The following SND1 variants were observed in gnomAD, a reference collection of about 807,000 sequenced individuals.
The protein encoded by SND1 is staphylococcal nuclease domain-containing protein 1.
Under a neutral mutation model 121.7 loss-of-function variants are expected in SND1, and 38 were observed. The observed-to-expected ratio is 0.31, with a 90% CI of 0.24 to 0.41. The LOEUF (loss-of-function observed/expected upper bound fraction) is 0.41. Ranked by LOEUF, SND1 falls within the 10% of genes least tolerant of loss-of-function variation. SND1 has a pLI of 1.00. For synonymous variants in SND1, 401 were observed against 447.4 expected (o/e 0.90, Z 1.31); for missense variants, 868 against 1,184.6 (o/e 0.73, Z 3.92).
intron 13 of SND1, among the ~76,000 whole-genome samples, chr7:127,890,500 A>AACAGGTTATGCATTTCCAGAGT (rs1271655661): frequency 3.7e-4 from 57 of 152,240 alleles, no homozygotes; most frequent in African/African-American, 1.3e-3. Flanking sequence ...TAACTTGAAG[A>AACAGGTTATGCATTTCCAGAGT]ACAGGTTATG....
chr7:127,888,934 T>C (rs539973162), intron 13 of SND1, among the ~76,000 whole-genome samples: 9 of 152,244 alleles, frequency 5.9e-5, no homozygotes, highest in Admixed American at 6.5e-5. Flanking sequence ...GATTTTGTCA[T>C]TGAGATCACT....
At chr7:127,797,766 T>C (rs1057159488) in intron 10 of SND1, among the ~76,000 whole-genome samples, 23 of 147,356 alleles carry the variant, frequency 1.6e-4, no homozygotes, top group Admixed American at 1.2e-3. Flanking sequence ...TCACCTTTTT[T>C]CCCCCCTTGC....
rs533532059 is a variant in SND1 at position 128,085,463 on chromosome 7, C to G, written c.2235-248C>G. ...GTCATTAGTCTTGTTGCTTTATGCC[C>G]CAAGGACACATTAATCTGCTCCACA... On this transcript the variant is annotated intron_variant, in intron 19 of 23. Transcript: ENST00000354725. This position sits in a 1 kb window ranked among gnomAD's most constrained non-coding sequence, Gnocchi z 4.4. Among the ~76,000 whole-genome samples, 1 of 152,302 alleles carries G rather than the reference C, an allele frequency of 6.6e-6. No homozygotes were observed. The highest frequency in any genetic ancestry group is 6.5e-5 in the Admixed American group (1 of 15,300).
chr7:127,743,162 A>G (rs1796913912), intron 10 of SND1, among the ~76,000 whole-genome samples: 1 of 152,162 alleles, frequency 6.6e-6, no homozygotes, highest in African/African-American at 2.4e-5. Flanking sequence ...TTTTTGGTGG[A>G]AATTGATGGT....
chr7:127,869,558 T>A lies in SND1; in HGVS notation c.1344-18344T>A, dbSNP rs542628562. ...AGTTAAAATCCCATTGACTTTTTTT[T>A]AAAAATAATTGTAGATTCACTGAAG... On this transcript the variant is annotated intron_variant, in intron 12 of 23. Coordinates refer to ENST00000354725, the MANE Select transcript of SND1 (RefSeq NM_014390.4). Among the ~76,000 whole-genome samples the A allele has an allele frequency of 3.3e-4, 50 of 152,302 alleles. 1 individual carries two copies. Among genetic ancestry groups the A allele is most frequent in the African/African-American group, 6.7e-4 (28 of 41,572 alleles).
chr7:128,086,241 C>A (rs1216987636), intron 20 of SND1, among the ~76,000 whole-genome samples: 1 of 152,220 alleles, frequency 6.6e-6, no homozygotes. Context: ...AAAAATTTCT[C>A]CGGCTGGGCC....
chr7:127,845,644 T>C (rs1278999450), intron 12 of SND1, among the ~76,000 whole-genome samples: 2 of 152,246 alleles, frequency 1.3e-5, no homozygotes, highest in Admixed American at 1.3e-4. Flanking sequence ...GGAATCTTAG[T>C]ATTCTATCTA....
chr7:127,774,318 A>C (rs1482724580), intron 10 of SND1, among the ~76,000 whole-genome samples: 1 of 152,232 alleles, frequency 6.6e-6, no homozygotes, highest in African/African-American at 2.4e-5. Context: ...TAAAACTTTA[A>C]AATTGAAAGT....
Position 128,069,143 on chromosome 7 carries a change from C to T in SND1, c.1780-5359C>T, listed in dbSNP as rs1302273871. Among the ~76,000 whole-genome samples the T allele has an allele frequency of 2.0e-5, 3 of 152,208 alleles. No homozygotes were observed. The East Asian group carries it at 5.8e-4, about 29-fold the overall frequency. ...CATCCTATCAACCCCACTTGCCTTA[C>T]CTTCACTCGGTATTTCATGGGAGGA... On this transcript the variant is annotated intron_variant, in intron 16 of 23. Transcript: ENST00000354725.
chr7:127,868,971 A>G (rs1225876590), intron 12 of SND1, among the ~76,000 whole-genome samples: 1 of 152,122 alleles, frequency 6.6e-6, no homozygotes, highest in Non-Finnish European at 1.5e-5. Flanking sequence ...AGAGAGATCT[A>G]TTTTGTGCGG....
intron 16 of SND1, among the ~76,000 whole-genome samples, chr7:128,038,500 G>C (rs1030616571): frequency 6.6e-6 from 1 of 152,224 alleles, no homozygotes; most frequent in Non-Finnish European, 1.5e-5. Context: ...AGTAATGGTC[G>C]TAGCATCTAT....
At chr7:127,766,804 G>GT (rs1035643179) in intron 10 of SND1, among the ~76,000 whole-genome samples, 7 of 76,336 alleles carry the variant, frequency 9.2e-5, no homozygotes, top group Non-Finnish European at 2.1e-4. Context: ...AAAAAAAATA[G>GT]TTTTTTTCTT....
At chr7:128,020,242 A>G (rs1803315127) in intron 16 of SND1, among the ~76,000 whole-genome samples, 1 of 152,238 alleles carries the variant, frequency 6.6e-6, no homozygotes, top group South Asian at 2.1e-4. Flanking sequence ...CAGAGCATTA[A>G]GCACAGATAA....
rs536227372 is a variant in SND1, at chr7:128,065,858, C to G, written c.1780-8644C>G. On this transcript the variant is annotated intron_variant, in intron 16 of 23. Coordinates refer to ENST00000354725, the MANE Select transcript of SND1 (RefSeq NM_014390.4). The stretch of plus-strand genomic sequence containing the variant: ...GAGGAGCTGTGCCATTCAGGCATGC[C>G]TGCTCTGGCTTGGGAGACCTTTGGG... Among the ~76,000 whole-genome samples the G allele has an allele frequency of 7.9e-5, 12 of 152,330 alleles. No homozygotes were observed. In the South Asian group the frequency reaches 2.5e-3, roughly 32 times the overall value.
At chr7:127,717,638 T>C (rs1465915249) in intron 9 of SND1, among the ~76,000 whole-genome samples, 1 of 152,164 alleles carries the variant, frequency 6.6e-6, no homozygotes, top group Non-Finnish European at 1.5e-5. Context: ...CCAGATGTCA[T>C]GATTTCAGAG....
intron 10 of SND1, among the ~76,000 whole-genome samples, chr7:127,803,323 T>C (rs1450731691): frequency 6.6e-6 from 1 of 152,218 alleles, no homozygotes; most frequent in Non-Finnish European, 1.5e-5. Context: ...CTCTCCATGT[T>C]CTTTTTTCCA....
At position 127,947,154 on chromosome 7, in the gene SND1, T is replaced by G. The variant is rs1801346427; in HGVS notation, c.1669+17825T>G. Among the ~76,000 whole-genome samples the G allele has an allele frequency of 2.0e-5, 3 of 152,306 alleles. No individual in the cohort carries two copies. The South Asian group carries it at 6.2e-4, about 32-fold the overall frequency. ...CCAACTGTGAGGCCAGGGGTCTTTT[T>G]GGATCAAAACTTAGCATTCTAGCAG... On this transcript the variant is annotated intron_variant, in intron 15 of 23. Transcript: ENST00000354725.
At chr7:128,064,218 A>G (rs765967) in intron 16 of SND1, among the ~76,000 whole-genome samples, 72,680 of 151,900 alleles carry the variant, frequency 0.48, 18,741 homozygotes, top group African/African-American at 0.67. Context: ...GGTTAAAAAA[A>G]AACCCACTCT....
intron 15 of SND1, among the ~76,000 whole-genome samples, chr7:127,978,419 A>G (rs1029362003): frequency 6.6e-6 from 1 of 152,232 alleles, no homozygotes; most frequent in Non-Finnish European, 1.5e-5. Flanking sequence ...AGAAGCAGTT[A>G]TAATGAAGAA....
Sources: allele counts gnomAD v4.1 joint callset (sites outside exome capture counted in the v4.1 genomes callset), GRCh38; gene constraint gnomAD v4.1.1; non-coding constraint Gnocchi (gnomAD v3.1); transcripts MANE v1.5; gene names NCBI Gene and HGNC (gene_info 2026-07-23, HGNC 2026-07-21).